TMEM44: variants seen among roughly 807,000 people sequenced by gnomAD.
The protein encoded by TMEM44 is transmembrane protein 44.
TMEM44 carries 43 observed loss-of-function variants against 47.8 expected under a neutral mutation model. The observed-to-expected ratio is 0.90, with a 90% CI of 0.70 to 1.16. The LOEUF (loss-of-function observed/expected upper bound fraction) is 1.16, where lower values mean the gene tolerates loss of function less well. Ranked by LOEUF, TMEM44 falls within the 50% of genes most tolerant of loss-of-function variation. The pLI is 0.00. For synonymous variants in TMEM44, 277 were observed against 238.8 expected (o/e 1.16, Z -1.48); for missense variants, 568 against 555.2 (o/e 1.02, Z -0.23).
chr3:194,615,708 G>GT lies in TMEM44; in HGVS notation c.784-12dup. 1 of 1,613,196 alleles carries GT rather than the reference G, an allele frequency of 6.2e-7. No individual in the cohort carries two copies. Among genetic ancestry groups the GT allele is most frequent in the South Asian group, 1.1e-5 (1 of 91,066 alleles). On this transcript the variant is annotated splice_polypyrimidine_tract_variant and intron_variant, in intron 6 of 9. Coordinates refer to ENST00000347147, the MANE Select transcript of TMEM44 (RefSeq NM_001011655.3). ...CGAAAGGAAAATAATCTGAGATGGT[G>GT]TAAGTTAAGGTAGGAAGCAGAATAT... is the stretch of plus-strand genomic sequence containing the variant.
chr3:194,623,555 G>A lies in TMEM44; in HGVS notation c.499C>T (p.Arg167Trp), dbSNP rs763819837. Residue 167 changes from arginine (R) to tryptophan (W), a missense_variant, in exon 4 of 10, where the codon CGG becomes TGG. Transcript: ENST00000347147. ...TGCAGCAGGCTCGCTAGCAGCCTCCGCTGTGGCCCCCGGATGGTGGCTGAA... is the reference window on the plus strand; with the variant it reads ...TGCAGCAGGCTCGCTAGCAGCCTCCACTGTGGCCCCCGGATGGTGGCTGAA... The part of the protein sequence containing the change: ...KASATIRGPQ[R>W]RLLASLLQEN... 78 of 1,605,210 alleles carry A rather than the reference G, an allele frequency of 4.9e-5. No individual in the cohort carries two copies. The highest frequency in any genetic ancestry group is 2.5e-4 in the East Asian group (11 of 44,742).
intron 1 of TMEM44, among the ~76,000 whole-genome samples, chr3:194,628,938 A>C (rs1193597881): frequency 6.6e-6 from 1 of 152,158 alleles, no homozygotes; most frequent in African/African-American, 2.4e-5. Context: ...CCGAGGCAGG[A>C]GGATCCTCTG....
intron 9 of TMEM44, among the ~76,000 whole-genome samples, chr3:194,601,417 G>A (rs1202243894): frequency 4.7e-5 from 7 of 150,450 alleles, no homozygotes; most frequent in East Asian, 1.9e-4. Flanking sequence ...CAATTCTCCC[G>A]CCTCAGCCTC....
rs1341684957 is a variant in TMEM44, at chr3:194,625,890, C to T, written c.358+7G>A. ...ATAAAGACAGGAAAAGACAGCCACA[C>T]ACTCACCTGAATTAGACTTGAATTT... is the stretch of plus-strand genomic sequence containing the variant. On this transcript the variant is annotated splice_region_variant and intron_variant, in intron 3 of 9. Coordinates refer to ENST00000347147, the MANE Select transcript of TMEM44 (RefSeq NM_001011655.3). The T allele has an allele frequency of 6.2e-7, 1 of 1,608,332 alleles. No homozygotes were observed. Among genetic ancestry groups the T allele is most frequent in the African/African-American group, 1.3e-5 (1 of 74,958 alleles).
intron 5 of TMEM44, among the ~76,000 whole-genome samples, chr3:194,621,829 T>A (rs148723535): frequency 1.3e-5 from 2 of 152,014 alleles, no homozygotes; most frequent in East Asian, 3.9e-4. Flanking sequence ...TGATCCATCC[T>A]GCCTCCACAG....
chr3:194,600,675 TGGGAGGC>T (rs1050718238), intron 9 of TMEM44, among the ~76,000 whole-genome samples: 3 of 151,924 alleles, frequency 2.0e-5, no homozygotes, highest in African/African-American at 7.3e-5. Context: ...CGCTTGAACC[TGGGAGGC>T]GGAGATTGCA....
At chr3:194,613,121 A>G (rs183048925) in intron 7 of TMEM44, among the ~76,000 whole-genome samples, 75 of 152,324 alleles carry the variant, frequency 4.9e-4, no homozygotes, top group Non-Finnish European at 8.1e-4. Flanking sequence ...GTGGCATGAC[A>G]TAATTGTAAA....
chr3:194,613,772 G>GT (rs1715586939), intron 7 of TMEM44, among the ~76,000 whole-genome samples: 1 of 151,694 alleles, frequency 6.6e-6, no homozygotes, highest in African/African-American at 2.4e-5. Context: ...GATTACAGGC[G>GT]TGAGCCACTG....
chr3:194,603,096 G>A (rs1343380966), intron 9 of TMEM44, among the ~76,000 whole-genome samples: 2 of 152,200 alleles, frequency 1.3e-5, no homozygotes, highest in African/African-American at 4.8e-5. Flanking sequence ...CATTGTCCTT[G>A]TGGTTCTCAT....
Position 194,628,481 on chromosome 3 carries a change from G to T in TMEM44, c.166C>A (p.Pro56Thr). Residue 56 changes from proline (P) to threonine (T), a missense_variant, in exon 2 of 10, where the codon CCC (proline) becomes ACC (threonine). Coordinates refer to ENST00000347147, the MANE Select transcript of TMEM44 (RefSeq NM_001011655.3). ...LLLYLRCAQK[P>T]RQDQSALCAA... Reference sequence around the variant, plus strand: ...CACAGTGCCGACTGGTCCTGTCTGGGTTTCTGTGCACATCTCAGATAGAGA... The same window carrying T: ...CACAGTGCCGACTGGTCCTGTCTGGTTTTCTGTGCACATCTCAGATAGAGA... 3.1e-6 allele frequency: 5 copies of T among 1,613,618 alleles called. No individual in the cohort carries two copies. The highest frequency in any genetic ancestry group is 4.2e-6 in the Non-Finnish European group (5 of 1,179,764).
chr3:194,626,462 C>A (rs181988055), intron 2 of TMEM44, among the ~76,000 whole-genome samples: 15 of 152,296 alleles, frequency 9.8e-5, no homozygotes, highest in African/African-American at 3.6e-4. Flanking sequence ...CTAAAGGCAC[C>A]AGCTCCTCTG....
intron 9 of TMEM44, among the ~76,000 whole-genome samples, chr3:194,592,264 T>C (rs1272673709): frequency 6.6e-6 from 1 of 150,632 alleles, no homozygotes; most frequent in African/African-American, 2.4e-5. Flanking sequence ...AAACCAGGCA[T>C]GAAGAGAATC....
At position 194,633,190 on chromosome 3, in the gene TMEM44, G is replaced by C. The variant is rs775628091; in HGVS notation, c.26C>G (p.Pro9Arg). The C allele has an allele frequency of 6.5e-7, 1 of 1,528,106 alleles. No homozygotes were observed. The highest frequency in any genetic ancestry group is 1.2e-5 in the South Asian group (1 of 82,862). 94.7% of individuals were successfully genotyped at this position (1,528,106 alleles called of 1,614,324 possible). A position where few individuals can be genotyped will look rare whatever the true frequency, so the allele number is the denominator to read the frequency against. The change falls in exon 1 of 10, where the codon CCC becomes CGC. Residue 9 changes from proline to arginine, a missense_variant. Physicochemically the swap from Pro to Arg is moderately radical, Grantham distance 103. Transcript: ENST00000347147. MGEAPSPA[P>R]ALWDWDYLDR... ...CAGGTAGTCCCAGTCCCAGAGCGCG[G>C]GCGCGGGGCTGGGCGCCTCCCCCAT...
chr3:194,615,623 G>A lies in TMEM44; in HGVS notation c.858C>T (p.Ser286=). 6.2e-7 allele frequency: 1 copy of A among 1,614,102 alleles called. No homozygotes were observed. The highest frequency in any genetic ancestry group is 1.3e-5 in the African/African-American group (1 of 75,024). Reference sequence around the variant, plus strand: ...AGGTCAAAAGGGCTTGGGTGTCAGGGCTCTCTCTGGCTTCCTTGGCAAATC... The same window carrying A: ...AGGTCAAAAGGGCTTGGGTGTCAGGACTCTCTCTGGCTTCCTTGGCAAATC... ...ALGFAKEARE[S]PDTQALLTCA... The change falls in exon 7 of 10, where the codon AGC becomes AGT. Residue 286 remains serine, a synonymous_variant. Coordinates refer to ENST00000347147, the MANE Select transcript of TMEM44 (RefSeq NM_001011655.3).
At chr3:194,632,491 G>T (rs1717927185) in intron 1 of TMEM44, among the ~76,000 whole-genome samples, 1 of 152,096 alleles carries the variant, frequency 6.6e-6, no homozygotes, top group Non-Finnish European at 1.5e-5. Context: ...TGGGCATCTG[G>T]ACAAACCAGT....
In TMEM44 at chr3:194,623,213, C is replaced by T; in HGVS notation, c.612+11G>A. The T allele has an allele frequency of 6.2e-7, 1 of 1,600,508 alleles. No individual in the cohort carries two copies. Among genetic ancestry groups the T allele is most frequent in the Non-Finnish European group, 8.5e-7 (1 of 1,173,190 alleles). Reference sequence around the variant, plus strand: ...TGTGACCCACAGTCCCATCCCCACCCCCGGCCTCACAATTCTGGAGAGAGG... The same window carrying T: ...TGTGACCCACAGTCCCATCCCCACCTCCGGCCTCACAATTCTGGAGAGAGG... On this transcript the variant is annotated intron_variant, in intron 5 of 9. Transcript: ENST00000347147.
At position 194,604,387 on chromosome 3, in the gene TMEM44, G is replaced by A; in HGVS notation, c.1076C>T (p.Ser359Phe). The change falls in exon 9 of 10, where the codon TCC becomes TTC. Residue 359 changes from serine to phenylalanine, a missense_variant. By Grantham distance (155) the Ser-to-Phe change is radical. Transcript: ENST00000347147. ...AGGGTACGACGGGGGGTCCTGCAGG[G>A]ACGCATCTCCGGCGCTCGTCTGCCC... is the stretch of plus-strand genomic sequence containing the variant. ...GDGQTSAGDA[S>F]LQDPPSYPPV... 6.4e-7 allele frequency: 1 copy of A among 1,551,406 alleles called. No homozygotes were observed. Among genetic ancestry groups the A allele is most frequent in the Non-Finnish European group, 8.7e-7 (1 of 1,146,538 alleles).
At chr3:194,617,034 G>A (rs909782464) in intron 6 of TMEM44, 65 bp downstream of exon 6, 2 of 1,416,378 alleles carry the variant, frequency 1.4e-6, no homozygotes, top group Non-Finnish European at 9.3e-7. Context: ...CAGGGGCAGT[G>A]AGAGGACGAG....
At chr3:194,629,678 G>C (rs908733445) in intron 1 of TMEM44, among the ~76,000 whole-genome samples, 1 of 146,054 alleles carries the variant, frequency 6.8e-6, no homozygotes, top group African/African-American at 2.6e-5. Flanking sequence ...TGTTTCCATC[G>C]GCGTCACTGA....
Sources: gnomAD v4.1 joint callset for allele counts (sites outside exome capture counted in the v4.1 genomes callset) on GRCh38, gnomAD v4.1.1 for gene constraint, MANE v1.5 for transcripts, NCBI Gene and HGNC (gene_info 2026-07-23, HGNC 2026-07-21) for gene names.